The following DAG1 variants were observed in gnomAD, a reference collection of about 807,000 sequenced individuals.
DAG1 encodes dystroglycan 1, also known as dystroglycan 1 (dystrophin-associated glycoprotein 1).
Under a neutral mutation model 46.1 loss-of-function variants are expected in DAG1, and 8 were observed. The observed-to-expected ratio is 0.17, with a 90% CI of 0.10 to 0.31. The LOEUF (loss-of-function observed/expected upper bound fraction) is 0.31, where lower values mean the gene tolerates loss of function less well. Ranked by LOEUF, DAG1 falls within the 10% of genes least tolerant of loss-of-function variation. DAG1 has a pLI of 1.00. For missense variants in DAG1, 1,003 were observed against 1,189.9 expected (o/e 0.84, Z 2.31); for synonymous variants, 495 against 481.8 (o/e 1.03, Z -0.36).
intron 1 of DAG1, chr3:49,487,545 G>A (rs1293644894): frequency 6.6e-6 from 1 of 152,144 alleles, no homozygotes; most frequent in Non-Finnish European, 1.5e-5. Flanking sequence ...ACTTGTATCT[G>A]TGTTCTCACT....
chr3:49,487,775 C>T (rs558719479), intron 1 of DAG1, among the ~76,000 whole-genome samples: 92 of 146,388 alleles, frequency 6.3e-4, no homozygotes, highest in Non-Finnish European at 1.1e-3. Flanking sequence ...TCTCGGCTCA[C>T]TGCAACCTCC....
rs1262097867 is a variant in DAG1 at position 49,533,329 on chromosome 3, C to A, written c.*130C>A. The stretch of plus-strand genomic sequence containing the variant: ...ACACCTGACCTAGCACACACTGACA[C>A]AGGGGCCTGGACAAGCCCGCCCTCT... On this transcript the variant is annotated 3_prime_UTR_variant, in exon 3 of 3. Coordinates refer to ENST00000308775, the MANE Select transcript of DAG1 (RefSeq NM_004393.6). 6 of 1,399,832 alleles carry A rather than the reference C, an allele frequency of 4.3e-6. No homozygotes were observed. Among genetic ancestry groups the A allele is most frequent in the Middle Eastern group, 1.7e-4 (1 of 5,756 alleles). 86.7% of individuals were successfully genotyped at this position (1,399,832 alleles called of 1,614,324 possible). A position where few individuals can be genotyped will look rare whatever the true frequency, so the allele number is the denominator to read the frequency against.
rs186252237 is a variant in DAG1, at chr3:49,505,574, A to C, written c.-116-4845A>C. Reference sequence around the variant, plus strand: ...CTTATTATAGAACTGATATAGGACTATAAGGAGTTTTCTTATGGATTCTTT... The same window carrying C: ...CTTATTATAGAACTGATATAGGACTCTAAGGAGTTTTCTTATGGATTCTTT... On this transcript the variant is annotated intron_variant, in intron 1 of 2. Transcript: ENST00000308775. Among the ~76,000 whole-genome samples the C allele has an allele frequency of 3.9e-5, 6 of 152,332 alleles. 1 individual carries two copies. The South Asian group carries it at 6.2e-4, about 16-fold the overall frequency.
intron 1 of DAG1, among the ~76,000 whole-genome samples, chr3:49,495,286 T>C (rs2050282064): frequency 6.6e-6 from 1 of 152,214 alleles, no homozygotes; most frequent in Non-Finnish European, 1.5e-5. Flanking sequence ...TTATAATGTA[T>C]TAGTATAAAT....
rs182709334 is a variant in DAG1 at position 49,502,928 on chromosome 3, C to T, written c.-116-7491C>T. On this transcript the variant is annotated intron_variant, in intron 1 of 2. Coordinates refer to ENST00000308775, the MANE Select transcript of DAG1 (RefSeq NM_004393.6). ...CTGGGATTACAGGCATGAGTCACCG[C>T]GCCCGGCCAGCACTTTCTGAGATTT... Among the ~76,000 whole-genome samples, 673 of 152,246 alleles carry T rather than the reference C, an allele frequency of 4.4e-3. 8 individuals carry two copies. Among genetic ancestry groups the T allele is most frequent in the African/African-American group, 0.015 (630 of 41,542 alleles).
chr3:49,533,256 T>G lies in DAG1; in HGVS notation c.*57T>G, dbSNP rs1310648275. ...GCAGGGGCCTGGAGACGACATGGTG[T>G]TGTCTGTGGAGACCGGTGGCCTGCA... is the stretch of plus-strand genomic sequence containing the variant. On this transcript the variant is annotated 3_prime_UTR_variant, in exon 3 of 3. Coordinates refer to ENST00000308775, the MANE Select transcript of DAG1 (RefSeq NM_004393.6). 2.1e-5 allele frequency: 33 copies of G among 1,598,680 alleles called. No individual in the cohort carries two copies. Among genetic ancestry groups the G allele is most frequent in the South Asian group, 1.8e-4 (16 of 90,514 alleles).
rs1443214295 is a variant in DAG1 at position 49,534,898 on chromosome 3, A to C, written c.*1699A>C. On this transcript the variant is annotated 3_prime_UTR_variant, in exon 3 of 3. Coordinates refer to ENST00000308775, the MANE Select transcript of DAG1 (RefSeq NM_004393.6). ...GGCTCCCTTTGCACACAGAGCAGCT[A>C]CTTCTAAGCCATATCGACTGTTTTG... 1 of 153,204 alleles carries C rather than the reference A, an allele frequency of 6.5e-6. No homozygotes were observed. The highest frequency in any genetic ancestry group is 1.5e-5 in the Non-Finnish European group (1 of 68,660). The allele number at this position is 153,204 out of a possible 1,614,324, so 9.5% of individuals were successfully genotyped here. A position where few individuals can be genotyped will look rare whatever the true frequency, so the allele number is the denominator to read the frequency against.
intron 1 of DAG1, among the ~76,000 whole-genome samples, chr3:49,491,320 T>A (rs1011217888): frequency 2.0e-5 from 3 of 150,820 alleles, no homozygotes; most frequent in Admixed American, 1.3e-4. Context: ...AAGTTGTTTT[T>A]TTTTTTTTTG....
chr3:49,481,396 CAAAAA>C (rs10715955), intron 1 of DAG1, among the ~76,000 whole-genome samples: 9 of 93,834 alleles, frequency 9.6e-5, no homozygotes, highest in African/African-American at 1.2e-4. Context: ...GACTCTGCCT[CAAAAA>C]AAAAAAAAAA....
chr3:49,512,430 C>T (rs901661754), intron 2 of DAG1, among the ~76,000 whole-genome samples: 1 of 151,366 alleles, frequency 6.6e-6, no homozygotes, highest in African/African-American at 2.4e-5. Flanking sequence ...CTCTCTCTGT[C>T]ACCCAAGCTG....
intron 2 of DAG1, among the ~76,000 whole-genome samples, chr3:49,518,582 A>T (rs2050952784): frequency 2.0e-5 from 3 of 152,226 alleles, no homozygotes; most frequent in African/African-American, 4.8e-5. Context: ...GCCTGCGCAG[A>T]GGGTATAGCC....
chr3:49,531,514 C>G lies in DAG1; in HGVS notation c.1003C>G (p.Pro335Ala). The G allele has an allele frequency of 6.2e-7, 1 of 1,612,456 alleles. No homozygotes were observed. Among genetic ancestry groups the G allele is most frequent in the Non-Finnish European group, 8.5e-7 (1 of 1,178,738 alleles). Residue 335 changes from proline (P) to alanine (A), a missense_variant, in exon 3 of 3, where the codon CCA becomes GCA. By Grantham distance (27) the Pro-to-Ala change is conservative. Around this residue, in one of 3 missense-constraint regions of DAG1, gnomAD observed 755 missense variants for 854.1 expected, o/e 0.88. Coordinates refer to ENST00000308775, the MANE Select transcript of DAG1 (RefSeq NM_004393.6). The surrounding 1 kb of genome is among the most constrained non-coding windows in gnomAD (Gnocchi z 7.0). ...CCCAACCACGGCTATCCAGGAGCCC[C>G]CATCCAGGATCGTGCCAACCCCCAC... ...GPPTTAIQEP[P>A]SRIVPTPTSP...
chr3:49,501,527 T>C (rs77571779), intron 1 of DAG1, among the ~76,000 whole-genome samples: 1 of 152,146 alleles, frequency 6.6e-6, no homozygotes, highest in African/African-American at 2.4e-5. Context: ...AGAATTAAAA[T>C]GCGTCTGGGC....
rs759876636 is a variant in DAG1, at chr3:49,531,548, C to T, written c.1037C>T (p.Ala346Val). The T allele has an allele frequency of 6.2e-7, 1 of 1,611,106 alleles. No individual in the cohort carries two copies. Among genetic ancestry groups the T allele is most frequent in the South Asian group, 1.1e-5 (1 of 91,030 alleles). ...ATCGTGCCAACCCCCACATCTCCAGCCATTGCTCCTCCAACAGAGACCATG... is the reference window on the plus strand; with the variant it reads ...ATCGTGCCAACCCCCACATCTCCAGTCATTGCTCCTCCAACAGAGACCATG... ...SRIVPTPTSP[A>V]IAPPTETMAP... Residue 346 changes from alanine to valine, a missense_variant, in exon 3 of 3, where the codon GCC becomes GTC. Ala to Val is a moderately conservative substitution (Grantham distance 64). Around this residue, in one of 3 missense-constraint regions of DAG1, gnomAD observed 755 missense variants for 854.1 expected, o/e 0.88. Coordinates refer to ENST00000308775, the MANE Select transcript of DAG1 (RefSeq NM_004393.6). This position sits in a 1 kb window ranked among gnomAD's most constrained non-coding sequence, Gnocchi z 7.0.
intron 2 of DAG1, among the ~76,000 whole-genome samples, chr3:49,519,468 C>T (rs1315963264): frequency 1.3e-5 from 2 of 152,158 alleles, no homozygotes; most frequent in African/African-American, 4.8e-5. Context: ...ACAATGGGCA[C>T]TCTCTTTGGC....
chr3:49,531,790 C>T lies in DAG1; in HGVS notation c.1279C>T (p.Pro427Ser). 4 of 1,613,994 alleles carry T rather than the reference C, an allele frequency of 2.5e-6. No individual in the cohort carries two copies. Among genetic ancestry groups the T allele is most frequent in the South Asian group, 1.1e-5 (1 of 91,030 alleles). ...CCCTCCCACAACCACCACCAAGAAG[C>T]CACGAGTATCCACACCAAAACCAGC... ...ATPPTTTTKKPRVSTPKPATP... is the reference protein window; with the variant it reads ...ATPPTTTTKKSRVSTPKPATP... The change falls in exon 3 of 3, where the codon CCA becomes TCA. Residue 427 changes from proline to serine, a missense_variant. Coordinates refer to ENST00000308775, the MANE Select transcript of DAG1 (RefSeq NM_004393.6). This position sits in a 1 kb window ranked among gnomAD's most constrained non-coding sequence, Gnocchi z 7.0.
chr3:49,534,321 A>G lies in DAG1; in HGVS notation c.*1122A>G, dbSNP rs2051450462. On this transcript the variant is annotated 3_prime_UTR_variant, in exon 3 of 3. Coordinates refer to ENST00000308775, the MANE Select transcript of DAG1 (RefSeq NM_004393.6). Reference sequence around the variant, plus strand: ...TTGACCTTGGCCGCTTTGTCCTAACAGTCCACAGTCCTGCCCCGACCCACC... The same window carrying G: ...TTGACCTTGGCCGCTTTGTCCTAACGGTCCACAGTCCTGCCCCGACCCACC... 2 of 152,692 alleles carry G rather than the reference A, an allele frequency of 1.3e-5. No individual in the cohort carries two copies. Among genetic ancestry groups the G allele is most frequent in the South Asian group, 2.1e-4 (1 of 4,824 alleles). 9.5% of individuals were successfully genotyped at this position (152,692 alleles called of 1,614,324 possible).
chr3:49,473,428 AAAAAAAAACAC>A lies in DAG1; in HGVS notation c.-117+3011_-117+3021del, dbSNP rs535940073. Among the ~76,000 whole-genome samples, 36 of 151,416 alleles carry A rather than the reference AAAAAAAAACAC, an allele frequency of 2.4e-4. 1 individual carries two copies. The South Asian group carries it at 2.5e-3, about 11-fold the overall frequency. ...CAGAGCGAGACTCCGTCTCAAAACA[AAAAAAAAACAC>A]AAAAAAAACACAAAACTTTATCTCC... is the stretch of plus-strand genomic sequence containing the variant. On this transcript the variant is annotated intron_variant, in intron 1 of 2. Transcript: ENST00000308775.
rs773167280 is a variant in DAG1, at chr3:49,531,842, C to T, written c.1331C>T (p.Thr444Ile). 16 of 1,613,926 alleles carry T rather than the reference C, an allele frequency of 9.9e-6. No homozygotes were observed. In the Admixed American group the frequency reaches 2.7e-4, roughly 27 times the overall value. The part of the protein sequence containing the change: ...PATPSTDSTT[T>I]TTRRPTKKPR... ...ACGCCTTCAACTGACTCCACCACCA[C>T]CACGACTCGCAGGCCAACCAAGAAA... Residue 444 changes from threonine to isoleucine, a missense_variant, in exon 3 of 3, where the codon ACC (threonine) becomes ATC (isoleucine). This residue lies in a region of DAG1 where 755 missense variants were observed against 854.1 expected (regional missense o/e 0.88). Transcript: ENST00000308775. The surrounding 1 kb of genome is among the most constrained non-coding windows in gnomAD (Gnocchi z 7.0).
Sources: gnomAD v4.1 joint callset for allele counts (sites outside exome capture counted in the v4.1 genomes callset) on GRCh38, gnomAD v4.1.1 for gene constraint, gnomAD v4.1.1 regional missense constraint, Gnocchi (gnomAD v3.1) non-coding constraint, MANE v1.5 for transcripts, NCBI Gene and HGNC (gene_info 2026-07-23, HGNC 2026-07-21) for gene names.